TMOD2: variants seen among roughly 807,000 people sequenced by gnomAD.
The protein encoded by TMOD2 is tropomodulin-2.
Under a neutral mutation model 39.9 loss-of-function variants are expected in TMOD2, and 22 were observed. The ratio of observed to expected loss-of-function variants is 0.55; its 90% CI spans 0.39 to 0.79. The LOEUF (loss-of-function observed/expected upper bound fraction) is 0.79, where lower values mean the gene tolerates loss of function less well. TMOD2 is among the 30% of genes least tolerant of loss of function. The pLI is 0.00. For missense variants in TMOD2, 386 were observed against 413.3 expected (o/e 0.93, Z 0.57); for synonymous variants, 123 against 146.1 (o/e 0.84, Z 1.14).
Position 51,813,202 on chromosome 15 carries a change from TG to T in TMOD2, c.*4750del, listed in dbSNP as rs1271142761. ...AAATTAAAGGTTTACATTTGTTTAA[TG>T]GCAGAACTGAGATTTGCTCAGCTTA... On this transcript the variant is annotated 3_prime_UTR_variant, in exon 10 of 10. Transcript: ENST00000249700. The T allele has an allele frequency of 1.3e-5, 2 of 152,252 alleles. No individual in the cohort carries two copies. The highest frequency in any genetic ancestry group is 2.9e-5 in the Non-Finnish European group (2 of 68,048). The allele number at this position is 152,252 out of a possible 1,614,324, so 9.4% of individuals were successfully genotyped here. A position where few individuals can be genotyped will look rare whatever the true frequency, so the allele number is the denominator to read the frequency against.
intron 3 of TMOD2, among the ~76,000 whole-genome samples, chr15:51,771,677 A>C (rs2055854730): frequency 6.6e-6 from 1 of 152,176 alleles, no homozygotes. Flanking sequence ...AAAACAAAGA[A>C]AGAAAGAAAG....
At chr15:51,761,649 A>T (rs2055781577) in intron 1 of TMOD2, among the ~76,000 whole-genome samples, 1 of 151,902 alleles carries the variant, frequency 6.6e-6, no homozygotes, top group Non-Finnish European at 1.5e-5. Context: ...CAGGAAGATC[A>T]TTTGAGCCCA....
chr15:51,790,112 G>T (rs561852159), intron 7 of TMOD2, among the ~76,000 whole-genome samples: 2 of 151,998 alleles, frequency 1.3e-5, no homozygotes, highest in Non-Finnish European at 2.9e-5. Flanking sequence ...CCACTAGCAA[G>T]ACTAACAAAG....
chr15:51,780,946 G>T, intron 5 of TMOD2, 98 bp from the exon 6 acceptor site: 3 of 947,520 alleles, frequency 3.2e-6, no homozygotes, highest in Non-Finnish European at 3.2e-6. Flanking sequence ...AAGTGTTATT[G>T]GAATCAGCAT....
chr15:51,783,004 GCT>G (rs2055942144), intron 7 of TMOD2, 176 bp downstream of exon 7: 1 of 579,042 alleles, frequency 1.7e-6, no homozygotes, highest in African/African-American at 1.9e-5. Flanking sequence ...ACTGTCAGAT[GCT>G]TTAAGTTATC....
At position 51,809,745 on chromosome 15, in the gene TMOD2, T is replaced by G. The variant is rs1356801703; in HGVS notation, c.*1291T>G. On this transcript the variant is annotated 3_prime_UTR_variant, in exon 10 of 10. Transcript: ENST00000249700. ...TCTATTCCTCCTTTCTCCCCTCCCT[T>G]TCTTCCAATTCATTGTCTTTTTTTT... is the stretch of plus-strand genomic sequence containing the variant. The G allele has an allele frequency of 6.6e-6, 1 of 152,220 alleles. No homozygotes were observed. Among genetic ancestry groups the G allele is most frequent in the Non-Finnish European group, 1.5e-5 (1 of 68,030 alleles). The allele number at this position is 152,220 out of a possible 1,614,324, so 9.4% of individuals were successfully genotyped here.
At chr15:51,781,831 T>TGC (rs2055933164) in intron 6 of TMOD2, among the ~76,000 whole-genome samples, 1 of 151,600 alleles carries the variant, frequency 6.6e-6, no homozygotes, top group Non-Finnish European at 1.5e-5. Context: ...AGAGTGTGTG[T>TGC]GTGTGTGTGT....
intron 7 of TMOD2, chr15:51,783,752 TAG>T (rs1567241605): frequency 6.9e-6 from 1 of 144,692 alleles, no homozygotes; most frequent in African/African-American, 2.7e-5. Flanking sequence ...AGATGATAGA[TAG>T]ATAGATAGAT....
Position 51,801,233 on chromosome 15 carries a change from T to TCACACACA in TMOD2, c.876+2894_876+2895insACACACAC, listed in dbSNP as rs1334489026. On this transcript the variant is annotated intron_variant, in intron 8 of 9. Coordinates refer to ENST00000249700, the MANE Select transcript of TMOD2 (RefSeq NM_014548.4). ...TTCTCTCTCCCTCTCTCTCTCTCTC[T>TCACACACA]CTCTCACACACACACACACACACAC... Among the ~76,000 whole-genome samples, 815 of 96,978 alleles carry TCACACACA rather than the reference T, an allele frequency of 8.4e-3. 10 individuals carry two copies. The highest frequency in any genetic ancestry group is 0.034 in the African/African-American group (752 of 22,098). 63.6% of individuals were successfully genotyped at this position (96,978 alleles called of 152,430 possible).
intron 1 of TMOD2, among the ~76,000 whole-genome samples, chr15:51,761,124 A>G (rs1285366278): frequency 1.3e-5 from 2 of 152,346 alleles, no homozygotes; most frequent in East Asian, 3.9e-4. Flanking sequence ...GTGTTGAGAA[A>G]AATGATCCAA....
chr15:51,771,771 T>C (rs2055855344), intron 3 of TMOD2, among the ~76,000 whole-genome samples: 1 of 152,238 alleles, frequency 6.6e-6, no homozygotes, highest in South Asian at 2.1e-4. Context: ...ATGTTAAGTC[T>C]GAGATGAGCC....
At chr15:51,779,610 C>T (rs1475798609) in intron 5 of TMOD2, among the ~76,000 whole-genome samples, 1 of 152,036 alleles carries the variant, frequency 6.6e-6, no homozygotes, top group South Asian at 2.1e-4. Flanking sequence ...GTCTCGATCT[C>T]CTGACCTTGT....
At chr15:51,754,091 C>T (rs952496981) in intron 1 of TMOD2, among the ~76,000 whole-genome samples, 1 of 152,016 alleles carries the variant, frequency 6.6e-6, no homozygotes, top group Non-Finnish European at 1.5e-5. Context: ...TTTGGTTTAT[C>T]TTGGCTACTC....
At chr15:51,802,256 T>A (rs1464018509) in intron 8 of TMOD2, among the ~76,000 whole-genome samples, 1 of 152,164 alleles carries the variant, frequency 6.6e-6, no homozygotes, top group Non-Finnish European at 1.5e-5. Context: ...TATTAATATT[T>A]CCTATTTTTG....
chr15:51,805,485 C>A (rs1279084186), intron 8 of TMOD2, among the ~76,000 whole-genome samples: 4 of 152,016 alleles, frequency 2.6e-5, no homozygotes, highest in African/African-American at 9.7e-5. Flanking sequence ...GAGACAACAG[C>A]CCATAGGTTG....
At chr15:51,773,391 C>T (rs1353176276) in intron 3 of TMOD2, among the ~76,000 whole-genome samples, 4 of 152,214 alleles carry the variant, frequency 2.6e-5, no homozygotes, top group African/African-American at 9.6e-5. Context: ...GTGCACGACT[C>T]AGGGCAGGGC....
chr15:51,768,687 A>G (rs957905779), intron 3 of TMOD2, among the ~76,000 whole-genome samples: 2 of 151,550 alleles, frequency 1.3e-5, no homozygotes, highest in African/African-American at 4.9e-5. Context: ...GTGGAGGGTC[A>G]AGCAAGGGAA....
Position 51,806,356 on chromosome 15 carries a change from T to C in TMOD2, c.877-21T>C, listed in dbSNP as rs767146390. On this transcript the variant is annotated intron_variant, in intron 8 of 9. Coordinates refer to ENST00000249700, the MANE Select transcript of TMOD2 (RefSeq NM_014548.4). ...TCTTCCTTCTTGGTCATCCTGTGCA[T>C]GTGTCTGCACCTGCAACCAGAGGCA... 1.9e-6 allele frequency: 3 copies of C among 1,613,534 alleles called. No individual in the cohort carries two copies. In the African/African-American group the frequency reaches 4.0e-5, roughly 22 times the overall value.
chr15:51,812,618 A>G lies in TMOD2; in HGVS notation c.*4164A>G, dbSNP rs887774530. On this transcript the variant is annotated 3_prime_UTR_variant, in exon 10 of 10. Transcript: ENST00000249700. ...GGAGTAGACTGAGTGCCTTTTTTAC[A>G]AAGAAGATCCCATATTTAATTCAAG... is the stretch of plus-strand genomic sequence containing the variant. 2 of 152,168 alleles carry G rather than the reference A, an allele frequency of 1.3e-5. No homozygotes were observed. Among genetic ancestry groups the G allele is most frequent in the African/African-American group, 4.8e-5 (2 of 41,438 alleles). 9.4% of individuals were successfully genotyped at this position (152,168 alleles called of 1,614,324 possible).
Sources: gnomAD v4.1 joint callset for allele counts (sites outside exome capture counted in the v4.1 genomes callset) on GRCh38, gnomAD v4.1.1 for gene constraint, MANE v1.5 for transcripts, NCBI Gene and HGNC (gene_info 2026-07-23, HGNC 2026-07-21) for gene names.